Variants in SHC2 observed in about 807,000 individuals in gnomAD.
The protein encoded by SHC2 is SHC-transforming protein 2.
SHC2 carries 62 observed loss-of-function variants against 60.6 expected under a neutral mutation model. The observed-to-expected ratio is 1.02, with a 90% CI of 0.83 to 1.26. The LOEUF (loss-of-function observed/expected upper bound fraction) is 1.26, where lower values mean the gene tolerates loss of function less well. Among genes scored for constraint, SHC2 ranks in the 50% most tolerant of loss-of-function variants. The probability of loss-of-function intolerance (pLI) is 0.00; values close to 1 mark genes in which losing one functional copy is unlikely to be tolerated. For synonymous variants in SHC2, 375 were observed against 372.4 expected (o/e 1.01, Z -0.08); for missense variants, 873 against 822.2 (o/e 1.06, Z -0.76).
chr19:421,397 C>CAAAA (rs10582067), intron 11 of SHC2, among the ~76,000 whole-genome samples: 5 of 120,090 alleles, frequency 4.2e-5, no homozygotes, highest in South Asian at 2.6e-4. Flanking sequence ...GAGACTCCAT[C>CAAAA]AAAAAAAAAA....
intron 1 of SHC2, among the ~76,000 whole-genome samples, chr19:456,828 CTGCCTGG>C (rs1975355263): frequency 9.1e-6 from 1 of 109,326 alleles, no homozygotes; most frequent in African/African-American, 3.8e-5. Context: ...TGCTGTGCCC[CTGCCTGG>C]AACTCTGTCT....
At chr19:419,849 C>T (rs1429133592) in intron 11 of SHC2, 1 of 152,260 alleles carries the variant, frequency 6.6e-6, no homozygotes, top group Non-Finnish European at 1.5e-5. Flanking sequence ...ACCCTGTGTC[C>T]CACGGCTGCC....
intron 11 of SHC2, among the ~76,000 whole-genome samples, chr19:420,265 C>T (rs923582398): frequency 6.6e-6 from 1 of 152,148 alleles, no homozygotes; most frequent in African/African-American, 2.4e-5. Flanking sequence ...AGGCAGCTCT[C>T]GCCCAAGCCC....
Position 430,688 on chromosome 19 carries a change from AC to A in SHC2, c.1169del (p.Gly390ValfsTer54), listed in dbSNP as rs758429319. 2 of 1,612,848 alleles carry A rather than the reference AC, an allele frequency of 1.2e-6. No individual in the cohort carries two copies. Among genetic ancestry groups the A allele is most frequent in the Admixed American group, 3.3e-5 (2 of 59,988 alleles). ...CSLPWDVGST[G>X]TAPPGDGYVQ... ...TGCAGCCCCAGCCCATCCTACCTGT[AC>A]CGGTGGACCCCACGTCCCATGGCAG... On this transcript the variant is annotated frameshift_variant, in exon 9 of 13. Coordinates refer to ENST00000264554, the MANE Select transcript of SHC2 (RefSeq NM_012435.3). LOFTEE classifies it high-confidence loss of function.
chr19:460,229 G>C (rs921442056), intron 1 of SHC2, among the ~76,000 whole-genome samples: 6 of 152,062 alleles, frequency 3.9e-5, no homozygotes, highest in Admixed American at 2.6e-4. Flanking sequence ...CCGGCCGCTC[G>C]CCGCTCTCGG....
At position 418,992 on chromosome 19, in the gene SHC2, C is replaced by A; in HGVS notation, c.1685G>T (p.Gly562Val). Residue 562 changes from glycine to valine, a missense_variant, in exon 12 of 13, where the codon GGG (glycine) becomes GTG (valine). Physicochemically the swap from Gly to Val is moderately radical, Grantham distance 109 (BLOSUM62 -3). Transcript: ENST00000264554. ...SHLIDHHLQN[G>V]QPIVAAESEL... ...ACTCTCGGCGGCCACGATGGGCTGC[C>A]CGTTCTGCAGGTGGTGGTCGATCAG... is the stretch of plus-strand genomic sequence containing the variant. 3 of 1,586,300 alleles carry A rather than the reference C, an allele frequency of 1.9e-6. No individual in the cohort carries two copies. Among genetic ancestry groups the A allele is most frequent in the Non-Finnish European group, 1.7e-6 (2 of 1,166,866 alleles).
Position 419,044 on chromosome 19 carries a change from C to T in SHC2, c.1633G>A (p.Asp545Asn), listed in dbSNP as rs1974213219. 6.3e-7 allele frequency: 1 copy of T among 1,583,772 alleles called. No homozygotes were observed. Among genetic ancestry groups the T allele is most frequent in the Non-Finnish European group, 8.6e-7 (1 of 1,165,106 alleles). ...VDPEGVVRTK[D>N]VLFESISHLI... is the part of the protein sequence containing the mutation. ...TGGCTGATGCTCTCAAACAGCACGT[C>T]CTTCGTCCGTACCTGCGGGACAGAG... Residue 545 changes from aspartate to asparagine, a missense_variant, in exon 12 of 13, where the codon GAC (aspartate) becomes AAC (asparagine). Transcript: ENST00000264554.
intron 1 of SHC2, among the ~76,000 whole-genome samples, chr19:455,501 C>T (rs562061532): frequency 6.6e-6 from 1 of 152,256 alleles, no homozygotes. Flanking sequence ...CGCTCGGACG[C>T]GGGGCCCACG....
chr19:460,874 G>A lies in SHC2; in HGVS notation c.123C>T (p.Gly41=). The A allele has an allele frequency of 1.0e-6, 1 of 988,310 alleles. No individual in the cohort carries two copies. Among genetic ancestry groups the A allele is most frequent in the Non-Finnish European group, 1.2e-6 (1 of 833,340 alleles). The allele number at this position is 988,310 out of a possible 1,614,324, so 61.2% of individuals were successfully genotyped here. Residue 41 remains glycine (G), a synonymous_variant, in exon 1 of 13, where the codon GGC becomes GGT. Transcript: ENST00000264554. ...CCGCCGGGCCGCGGCCCAGGAAGCC[G>A]CCCGGGGCCGCGAACTTCCACTGCG... ...RMPQWKFAAP[G]GFLGRGPAAA... is the part of the protein sequence containing the mutation.
rs115463065 is a variant in SHC2 at position 425,413 on chromosome 19, T to C, written c.1175-182A>G. On this transcript the variant is annotated intron_variant, in intron 9 of 12. Coordinates refer to ENST00000264554, the MANE Select transcript of SHC2 (RefSeq NM_012435.3). The surrounding 1 kb of genome is among the most constrained non-coding windows in gnomAD (Gnocchi z 4.1). ...TCTGCAGGTGCCACAGGGAGCATCT[T>C]ACAGCAGCAAAGCCCCGTCGGGGCT... 0.013 allele frequency among the ~76,000 whole-genome samples: 1,927 copies of C among 152,268 alleles called. 38 individuals carry two copies. Among genetic ancestry groups the C allele is most frequent in the African/African-American group, 0.044 (1,819 of 41,550 alleles).
intron 1 of SHC2, among the ~76,000 whole-genome samples, chr19:459,203 C>G (rs185719286): frequency 7.1e-6 from 1 of 141,168 alleles, no homozygotes; most frequent in East Asian, 1.9e-4. Flanking sequence ...AAGGACCCCA[C>G]TGAACCCAGC....
Position 446,036 on chromosome 19 carries a change from CAGAG to C in SHC2, c.469-5108_469-5105del, listed in dbSNP as rs1975042656. Among the ~76,000 whole-genome samples, 1 of 151,030 alleles carries C rather than the reference CAGAG, an allele frequency of 6.6e-6. No homozygotes were observed. Among genetic ancestry groups the C allele is most frequent in the African/African-American group, 2.4e-5 (1 of 41,010 alleles). On this transcript the variant is annotated intron_variant, in intron 1 of 12. Coordinates refer to ENST00000264554, the MANE Select transcript of SHC2 (RefSeq NM_012435.3). The surrounding 1 kb of genome is among the most constrained non-coding windows in gnomAD (Gnocchi z 5.4). ...CGCCACTGCACTCGAGCCTGGGTGA[CAGAG>C]GGAGAGTCTGTCTCAAAATAAAAAA... is the stretch of plus-strand genomic sequence containing the variant.
chr19:443,286 GTGCA>G (rs1974953479), intron 1 of SHC2, among the ~76,000 whole-genome samples: 1 of 140,802 alleles, frequency 7.1e-6, no homozygotes, highest in Admixed American at 7.0e-5. Flanking sequence ...GGATGAATAG[GTGCA>G]TGGATGGGTG....
intron 8 of SHC2, among the ~76,000 whole-genome samples, chr19:434,365 ATC>A (rs1974657085): frequency 4.8e-4 from 5 of 10,410 alleles, no homozygotes; most frequent in African/African-American, 1.2e-3. Flanking sequence ...AGATCATGAG[ATC>A]GTGAGTGAGA....
At chr19:419,960 C>T (rs1600269049) in intron 11 of SHC2, 1 of 152,314 alleles carries the variant, frequency 6.6e-6, no homozygotes, top group Non-Finnish European at 1.5e-5. Context: ...GGCTGGGGGC[C>T]CTGTGCACAC....
At position 445,771 on chromosome 19, in the gene SHC2, C is replaced by CGG. The variant is rs1975037753; in HGVS notation, c.469-4840_469-4839insCC. Among the ~76,000 whole-genome samples, 3 of 152,114 alleles carry CGG rather than the reference C, an allele frequency of 2.0e-5. No individual in the cohort carries two copies. The South Asian group carries it at 6.2e-4, about 32-fold the overall frequency. On this transcript the variant is annotated intron_variant, in intron 1 of 12. Transcript: ENST00000264554. The surrounding 1 kb of genome is among the most constrained non-coding windows in gnomAD (Gnocchi z 4.4). ...CATTTTTGCCGGGCGCGGTGGCTCA[C>CGG]GCCTGTAATCCCAGCACTTTGGGAG...
At chr19:450,685 G>A (rs749624664) in intron 1 of SHC2, among the ~76,000 whole-genome samples, 29 of 152,184 alleles carry the variant, frequency 1.9e-4, no homozygotes, top group Admixed American at 4.6e-4. Context: ...TTTCTTGGCC[G>A]CGTCGTATTT....
chr19:436,574 C>G, intron 5 of SHC2, 56 bp downstream of exon 5: 1 of 1,588,918 alleles, frequency 6.3e-7, no homozygotes, highest in Non-Finnish European at 8.6e-7. Context: ...ATGAGAGGGT[C>G]TCGCGGCCGG....
At chr19:442,523 G>A (rs1244868425) in intron 1 of SHC2, among the ~76,000 whole-genome samples, 6 of 72,582 alleles carry the variant, frequency 8.3e-5, no homozygotes, top group Non-Finnish European at 1.0e-4. Flanking sequence ...GGATGGATGG[G>A]TGGGTGGATG....
Sources: allele counts gnomAD v4.1 joint callset (sites outside exome capture counted in the v4.1 genomes callset), GRCh38; gene constraint gnomAD v4.1.1; non-coding constraint Gnocchi (gnomAD v3.1); transcripts MANE v1.5; gene names NCBI Gene and HGNC (gene_info 2026-07-23, HGNC 2026-07-21).